Variants in SH2D4B observed in about 807,000 individuals in gnomAD.
The protein encoded by SH2D4B is SH2 domain-containing protein 4B.
In SH2D4B, 45 loss-of-function variants were observed where a neutral mutation model predicts 61.5. The ratio of observed to expected loss-of-function variants is 0.73; its 90% CI spans 0.58 to 0.94. The LOEUF (loss-of-function observed/expected upper bound fraction) is 0.94, where lower values mean the gene tolerates loss of function less well. SH2D4B is among the 40% of genes least tolerant of loss of function. The pLI, the probability that SH2D4B is intolerant of heterozygous loss-of-function variation, is 0.00. For missense variants in SH2D4B, 572 were observed against 574.2 expected (o/e 1.00, Z 0.04); for synonymous variants, 224 against 220.4 (o/e 1.02, Z -0.14).
At chr10:80,540,920 C>T in intron 1 of SH2D4B, 1 of 1,548,852 alleles carries the variant, frequency 6.5e-7, no homozygotes, top group Non-Finnish European at 8.7e-7. Flanking sequence ...ACTCAGGAGG[C>T]TCTCCAGATG....
chr10:80,565,555 C>T (rs1841955074), intron 1 of SH2D4B, among the ~76,000 whole-genome samples: 2 of 152,058 alleles, frequency 1.3e-5, no homozygotes, highest in African/African-American at 4.8e-5. Flanking sequence ...ACCACCACAC[C>T]CAACTGAAGA....
chr10:80,604,177 G>A (rs190101240), intron 5 of SH2D4B, among the ~76,000 whole-genome samples: 7 of 152,286 alleles, frequency 4.6e-5, no homozygotes, highest in African/African-American at 1.7e-4. Flanking sequence ...AGCATGGCCG[G>A]GCAGCCTGGA....
Position 80,544,398 on chromosome 10 carries a change from C to T in SH2D4B, c.184+5883C>T, listed in dbSNP as rs999272054. Among the ~76,000 whole-genome samples, 6 of 152,344 alleles carry T rather than the reference C, an allele frequency of 3.9e-5. No individual in the cohort carries two copies. The South Asian group carries it at 6.2e-4, about 16-fold the overall frequency. ...CTTTTAAGAGCTGTAACACTCACCG[C>T]GAGGGTCCGTGGCTTTATTCTTGAA... On this transcript the variant is annotated intron_variant, in intron 1 of 7. Transcript: ENST00000646907.
chr10:80,552,828 C>G (rs763230185), intron 1 of SH2D4B, among the ~76,000 whole-genome samples: 1 of 152,158 alleles, frequency 6.6e-6, no homozygotes, highest in Non-Finnish European at 1.5e-5. Flanking sequence ...TACCCCATGT[C>G]GTGTTAGAAT....
At chr10:80,596,377 A>T (rs1307536972) in intron 4 of SH2D4B, among the ~76,000 whole-genome samples, 1 of 152,246 alleles carries the variant, frequency 6.6e-6, no homozygotes, top group Non-Finnish European at 1.5e-5. Context: ...GTCATTGCTC[A>T]TGAGCCGAGA....
chr10:80,609,678 GTCCCTC>G, intron 6 of SH2D4B, 127 bp downstream of exon 6: 2 of 1,455,642 alleles, frequency 1.4e-6, no homozygotes, highest in Non-Finnish European at 1.9e-6. Context: ...TCTCCATTCT[GTCCCTC>G]TCCCAGTGGG....
chr10:80,570,126 G>C, intron 1 of SH2D4B, 28 bp from the exon 2 acceptor site: 2 of 1,613,692 alleles, frequency 1.2e-6, no homozygotes, highest in South Asian at 1.1e-5. Context: ...AATCAAACTT[G>C]TTTCTTCTTC....
chr10:80,578,356 C>T (rs1338025497), intron 3 of SH2D4B, among the ~76,000 whole-genome samples: 1 of 151,980 alleles, frequency 6.6e-6, no homozygotes, highest in African/African-American at 2.4e-5. Context: ...TAAGGGGAGG[C>T]TGTTTGTTGT....
chr10:80,634,539 G>A (rs1842874541), intron 7 of SH2D4B, 34 bp downstream of exon 7: 4 of 1,544,432 alleles, frequency 2.6e-6, no homozygotes, highest in Non-Finnish European at 2.6e-6. Flanking sequence ...GGGGGGGAGG[G>A]GGAACTGGTG....
intron 1 of SH2D4B, among the ~76,000 whole-genome samples, chr10:80,552,266 G>A (rs1010121188): frequency 2.0e-5 from 3 of 152,114 alleles, no homozygotes; most frequent in Non-Finnish European, 2.9e-5. Flanking sequence ...CCTGAGTTTC[G>A]GTGCAGTTTC....
At chr10:80,542,122 A>T (rs1450778600) in intron 1 of SH2D4B, among the ~76,000 whole-genome samples, 1 of 152,150 alleles carries the variant, frequency 6.6e-6, no homozygotes, top group Non-Finnish European at 1.5e-5. Flanking sequence ...AAGGCATGTT[A>T]TCACATTATG....
intron 3 of SH2D4B, 139 bp from the exon 4 acceptor site, chr10:80,588,491 A>G: frequency 4.6e-6 from 5 of 1,079,964 alleles, no homozygotes; most frequent in South Asian, 1.7e-5. Flanking sequence ...TTTCAATTTC[A>G]TACATGTAGG....
chr10:80,626,270 AAC>A (rs1354231177), intron 6 of SH2D4B, among the ~76,000 whole-genome samples: 23 of 152,054 alleles, frequency 1.5e-4, no homozygotes, highest in Non-Finnish European at 8.8e-5. Context: ...AGTTTCGTTA[AAC>A]ACAGTTATTT....
chr10:80,611,782 T>A (rs1842603717), intron 6 of SH2D4B, among the ~76,000 whole-genome samples: 1 of 151,004 alleles, frequency 6.6e-6, no homozygotes, highest in Admixed American at 6.6e-5. Context: ...GTTTTCTTTT[T>A]TGACTTTTTT....
In SH2D4B at chr10:80,538,574, T is replaced by C; in HGVS notation, c.184+59T>C. 1 of 1,290,104 alleles carries C rather than the reference T, an allele frequency of 7.8e-7. No homozygotes were observed. The highest frequency in any genetic ancestry group is 3.9e-5 in the Admixed American group (1 of 25,394). The allele number at this position is 1,290,104 out of a possible 1,614,324, so 79.9% of individuals were successfully genotyped here. A position where few individuals can be genotyped will look rare whatever the true frequency, so the allele number is the denominator to read the frequency against. ...CCAGTCCCCCAGGAGGTAGAAAAAT[T>C]AGCAGGGCCAGGCTGTGCCCTTCTT... is the stretch of plus-strand genomic sequence containing the variant. On this transcript the variant is annotated intron_variant, in intron 1 of 7. Coordinates refer to ENST00000646907, the MANE Select transcript of SH2D4B (RefSeq NM_001388272.1). The surrounding 1 kb of genome is among the most constrained non-coding windows in gnomAD (Gnocchi z 4.8).
At chr10:80,590,545 C>T (rs761915589) in intron 4 of SH2D4B, among the ~76,000 whole-genome samples, 5 of 152,066 alleles carry the variant, frequency 3.3e-5, no homozygotes, top group Non-Finnish European at 7.4e-5. Flanking sequence ...CGCGATCTGG[C>T]AGGGTTTTGG....
At chr10:80,631,790 C>T (rs1842837099) in intron 6 of SH2D4B, among the ~76,000 whole-genome samples, 1 of 152,066 alleles carries the variant, frequency 6.6e-6, no homozygotes, top group Admixed American at 6.6e-5. Flanking sequence ...ATGGTGGTTA[C>T]CGGGGCTGGG....
chr10:80,615,842 T>C (rs2132149051), intron 6 of SH2D4B, among the ~76,000 whole-genome samples: 1 of 151,818 alleles, frequency 6.6e-6, no homozygotes, highest in Admixed American at 6.6e-5. Flanking sequence ...AAACCAGGAG[T>C]GGAGAAAATA....
Position 80,538,178 on chromosome 10 carries a change from A to G in SH2D4B, c.-154A>G. 1.8e-6 allele frequency: 1 copy of G among 569,570 alleles called. No individual in the cohort carries two copies. The highest frequency in any genetic ancestry group is 9.0e-5 in the South Asian group (1 of 11,108). 35.3% of individuals were successfully genotyped at this position (569,570 alleles called of 1,614,324 possible). A position where few individuals can be genotyped will look rare whatever the true frequency, so the allele number is the denominator to read the frequency against. ...GGAGATGAGTTCGTCGCTGGCTGCA[A>G]GCTGAGGCCAACTGACAATGCTGCA... On this transcript the variant is annotated 5_prime_UTR_variant, in exon 1 of 8. Transcript: ENST00000646907. The surrounding 1 kb of genome is among the most constrained non-coding windows in gnomAD (Gnocchi z 4.8).
Sources: allele counts gnomAD v4.1 joint callset (sites outside exome capture counted in the v4.1 genomes callset), GRCh38; gene constraint gnomAD v4.1.1; non-coding constraint Gnocchi (gnomAD v3.1); transcripts MANE v1.5; gene names NCBI Gene and HGNC (gene_info 2026-07-23, HGNC 2026-07-21).